FTO: variants seen among roughly 807,000 people sequenced by gnomAD.
FTO encodes FTO alpha-ketoglutarate dependent dioxygenase.
FTO carries 47 observed loss-of-function variants against 63.9 expected under a neutral mutation model. The observed-to-expected ratio is 0.74, with a 90% CI of 0.58 to 0.94. The LOEUF is 0.94. Among genes scored for constraint, FTO ranks in the 40% least tolerant of loss-of-function variants. The pLI is 0.00. For synonymous variants in FTO, 207 were observed against 224.4 expected, an observed-to-expected ratio of 0.92 and a Z score of 0.69; for missense variants, 562 against 618.1, an observed-to-expected ratio of 0.91 and a Z score of 0.96.
intron 3 of FTO, among the ~76,000 whole-genome samples, chr16:53,838,106 A>G (rs537360698): frequency 6.6e-5 from 10 of 152,332 alleles, no homozygotes; most frequent in African/African-American, 2.4e-4. Context: ...TTCGTTCTAC[A>G]AAATGGATTT....
At chr16:54,108,780 A>T (rs947034580) in intron 8 of FTO, among the ~76,000 whole-genome samples, 4 of 152,236 alleles carry the variant, frequency 2.6e-5, no homozygotes, top group Non-Finnish European at 4.4e-5. Flanking sequence ...GACAGATAAG[A>T]AACTGAGGCT....
At chr16:53,792,859 GAATGT>G (rs2077962359) in intron 1 of FTO, among the ~76,000 whole-genome samples, 2 of 152,202 alleles carry the variant, frequency 1.3e-5, no homozygotes, top group South Asian at 4.1e-4. Context: ...CTTGGAGCTA[GAATGT>G]AGGTAGAATG....
intron 1 of FTO, among the ~76,000 whole-genome samples, chr16:53,765,504 G>A (rs988158651): frequency 1.3e-5 from 2 of 148,440 alleles, no homozygotes; most frequent in South Asian, 2.1e-4. Context: ...GCAGTGAGCC[G>A]AGAGATCACG....
intron 7 of FTO, among the ~76,000 whole-genome samples, chr16:53,889,783 G>A (rs530525727): frequency 1.2e-3 from 177 of 152,112 alleles, no homozygotes; most frequent in African/African-American, 4.1e-3. Flanking sequence ...CTGGAAGGCA[G>A]GTTGAAGCCA....
intron 7 of FTO, among the ~76,000 whole-genome samples, chr16:53,910,703 T>C (rs1408449339): frequency 1.3e-5 from 2 of 152,100 alleles, no homozygotes; most frequent in African/African-American, 4.8e-5. Flanking sequence ...GCTTGGCTAA[T>C]TTTCGTAATT....
intron 1 of FTO, among the ~76,000 whole-genome samples, chr16:53,716,210 A>G (rs2075891545): frequency 6.6e-6 from 1 of 152,196 alleles, no homozygotes; most frequent in South Asian, 2.1e-4. Flanking sequence ...CACTGGAGAC[A>G]TGTTTACCAC....
intron 3 of FTO, among the ~76,000 whole-genome samples, chr16:53,827,769 C>T (rs940723726): frequency 5.9e-5 from 9 of 152,164 alleles, no homozygotes; most frequent in African/African-American, 1.9e-4. Flanking sequence ...AGGGATTTAA[C>T]GCTGTCCTAA....
chr16:53,784,909 G>A (rs2077694408), intron 1 of FTO, among the ~76,000 whole-genome samples: 1 of 152,104 alleles, frequency 6.6e-6, no homozygotes, highest in Non-Finnish European at 1.5e-5. Flanking sequence ...GGAGTGCAGA[G>A]TGGGGGAAAG....
chr16:53,873,406 CT>C (rs1263009751), intron 4 of FTO, among the ~76,000 whole-genome samples: 7 of 151,364 alleles, frequency 4.6e-5, no homozygotes, highest in African/African-American at 1.7e-4. Context: ...AAGTGTCATA[CT>C]TTGTATGATA....
At chr16:53,964,634 G>A (rs2083157575) in intron 8 of FTO, among the ~76,000 whole-genome samples, 2 of 152,114 alleles carry the variant, frequency 1.3e-5, no homozygotes, top group Non-Finnish European at 2.9e-5. Context: ...AAATTGCAGT[G>A]AATTTATCCC....
At chr16:53,964,201 A>G (rs2083147654) in intron 8 of FTO, among the ~76,000 whole-genome samples, 1 of 152,246 alleles carries the variant, frequency 6.6e-6, no homozygotes, top group Non-Finnish European at 1.5e-5. Flanking sequence ...TTAAAAGGCC[A>G]GATAGTAAAT....
At chr16:54,014,733 T>C (rs546664752) in intron 8 of FTO, among the ~76,000 whole-genome samples, 39 of 152,062 alleles carry the variant, frequency 2.6e-4, no homozygotes, top group Non-Finnish European at 5.0e-4. Context: ...CAGAAGGCCA[T>C]TCTCATGTCA....
intron 1 of FTO, among the ~76,000 whole-genome samples, chr16:53,759,674 A>C (rs2077000536): frequency 7.1e-6 from 1 of 141,220 alleles, no homozygotes. Context: ...AGCCTGGGTG[A>C]CCGAAAAAGA....
At chr16:53,762,461 T>G (rs2077093357) in intron 1 of FTO, among the ~76,000 whole-genome samples, 1 of 152,100 alleles carries the variant, frequency 6.6e-6, no homozygotes, top group Middle Eastern at 3.2e-3. Flanking sequence ...GCAGCAGACA[T>G]GAAAAAACGT....
intron 1 of FTO, among the ~76,000 whole-genome samples, chr16:53,758,188 A>G (rs1269043272): frequency 6.6e-6 from 1 of 152,206 alleles, no homozygotes; most frequent in Non-Finnish European, 1.5e-5. Context: ...AGTAAGAAGT[A>G]CATATGCTGC....
Position 53,978,867 on chromosome 16 carries a change from C to CAA in FTO, c.1364+44759_1364+44760insAA, listed in dbSNP as rs2083481867. Among the ~76,000 whole-genome samples the CAA allele has an allele frequency of 3.3e-5, 5 of 152,144 alleles. No homozygotes were observed. In the South Asian group the frequency reaches 1.0e-3, roughly 32 times the overall value. ...CAAAAATTAGCTAGGCATGGTGGCACACGTGCCTGTAATCCCAGCAACTCG... is the reference window on the plus strand; with the variant it reads ...CAAAAATTAGCTAGGCATGGTGGCACAAACGTGCCTGTAATCCCAGCAACTCG... On this transcript the variant is annotated intron_variant, in intron 8 of 8. Transcript: ENST00000471389.
intron 8 of FTO, among the ~76,000 whole-genome samples, chr16:54,025,620 G>T (rs2084695340): frequency 6.6e-6 from 1 of 152,146 alleles, no homozygotes; most frequent in Admixed American, 6.5e-5. Flanking sequence ...CTACTTGGGA[G>T]GCTGAGGTGG....
chr16:54,032,819 C>A (rs1268505026), intron 8 of FTO, among the ~76,000 whole-genome samples: 1 of 152,078 alleles, frequency 6.6e-6, no homozygotes, highest in East Asian at 1.9e-4. Context: ...ATGGATCCCT[C>A]ATGGCTTGGT....
Position 54,119,069 on chromosome 16 carries a change from T to C in FTO, c.*7154T>C, listed in dbSNP as rs187036484. On this transcript the variant is annotated 3_prime_UTR_variant, in exon 9 of 9. Coordinates refer to ENST00000471389, the MANE Select transcript of FTO (RefSeq NM_001080432.3). ...CAGGGCTTGGAGAAATAGAAACCTCTCTTGCACAAGAATAGTCTCAATGAA... is the reference window on the plus strand; with the variant it reads ...CAGGGCTTGGAGAAATAGAAACCTCCCTTGCACAAGAATAGTCTCAATGAA... 1 of 152,186 alleles carries C rather than the reference T, an allele frequency of 6.6e-6. No individual in the cohort carries two copies. The highest frequency in any genetic ancestry group is 2.4e-5 in the African/African-American group (1 of 41,438). 9.4% of individuals were successfully genotyped at this position (152,186 alleles called of 1,614,324 possible). A position where few individuals can be genotyped will look rare whatever the true frequency, so the allele number is the denominator to read the frequency against.
Sources: gnomAD v4.1 joint callset for allele counts (sites outside exome capture counted in the v4.1 genomes callset) on GRCh38, gnomAD v4.1.1 for gene constraint, MANE v1.5 for transcripts, NCBI Gene and HGNC (gene_info 2026-07-23, HGNC 2026-07-21) for gene names.